The following CDKAL1 variants were observed in gnomAD, a reference collection of about 807,000 sequenced individuals.
The protein encoded by CDKAL1 is CDKAL1 threonylcarbamoyladenosine tRNA methylthiotransferase, also known as threonylcarbamoyladenosine tRNA methylthiotransferase.
A neutral mutation model predicts 68.2 loss-of-function variants in CDKAL1; 32 were observed. The observed-to-expected ratio is 0.47, with a 90% CI of 0.35 to 0.63. The LOEUF (loss-of-function observed/expected upper bound fraction) is 0.63, where lower values mean the gene tolerates loss of function less well. Ranked by LOEUF, CDKAL1 falls within the 30% of genes least tolerant of loss-of-function variation. CDKAL1 has a pLI of 0.00. For missense variants in CDKAL1, 606 were observed against 696.7 expected (o/e 0.87, Z 1.47); for synonymous variants, 234 against 244.3 (o/e 0.96, Z 0.39).
intron 12 of CDKAL1, among the ~76,000 whole-genome samples, chr6:21,103,822 G>C (rs530101904): frequency 1.3e-5 from 2 of 152,284 alleles, no homozygotes; most frequent in South Asian, 4.2e-4. Context: ...CTAACAGGTG[G>C]TTGCATGACT....
chr6:20,577,138 C>A (rs548534120), intron 4 of CDKAL1, among the ~76,000 whole-genome samples: 2 of 152,076 alleles, frequency 1.3e-5, no homozygotes, highest in Non-Finnish European at 2.9e-5. Context: ...CGCAAGCGAT[C>A]GGTTGTGAGA....
chr6:20,577,134 C>T (rs770036054), intron 4 of CDKAL1, among the ~76,000 whole-genome samples: 13 of 152,078 alleles, frequency 8.5e-5, no homozygotes, highest in Non-Finnish European at 1.5e-4. Flanking sequence ...TGACCGCAAG[C>T]GATCGGTTGT....
At chr6:21,035,944 G>A (rs1209574043) in intron 11 of CDKAL1, among the ~76,000 whole-genome samples, 3 of 152,020 alleles carry the variant, frequency 2.0e-5, no homozygotes, top group Non-Finnish European at 2.9e-5. Context: ...TGCAATTGAC[G>A]GTTAGATGGA....
intron 8 of CDKAL1, among the ~76,000 whole-genome samples, chr6:20,813,035 A>G (rs917133612): frequency 6.6e-6 from 1 of 152,290 alleles, no homozygotes; most frequent in East Asian, 1.9e-4. Context: ...ATTATACCTC[A>G]GTGCAATTTT....
chr6:20,812,950 G>A (rs1224021980), intron 8 of CDKAL1, among the ~76,000 whole-genome samples: 2 of 151,972 alleles, frequency 1.3e-5, no homozygotes, highest in Non-Finnish European at 2.9e-5. Context: ...GTTTTTGAGC[G>A]GTCCATTTGC....
intron 5 of CDKAL1, among the ~76,000 whole-genome samples, chr6:20,737,210 A>C (rs1773235736): frequency 6.6e-6 from 1 of 152,142 alleles, no homozygotes; most frequent in African/African-American, 2.4e-5. Flanking sequence ...AGATTTCCTC[A>C]TGAAGCTTTT....
At chr6:21,006,927 T>C (rs1253663279) in intron 11 of CDKAL1, among the ~76,000 whole-genome samples, 4 of 152,178 alleles carry the variant, frequency 2.6e-5, no homozygotes, top group Non-Finnish European at 4.4e-5. Flanking sequence ...TCTTGTGCAT[T>C]TTTCCTGCCT....
chr6:20,897,365 G>A (rs1761749379), intron 9 of CDKAL1, among the ~76,000 whole-genome samples: 1 of 152,116 alleles, frequency 6.6e-6, no homozygotes, highest in Admixed American at 6.6e-5. Flanking sequence ...GTAGAAAGAT[G>A]CAGGCTCAGA....
At chr6:21,001,148 G>C (rs9368266) in intron 11 of CDKAL1, among the ~76,000 whole-genome samples, 2 of 152,004 alleles carry the variant, frequency 1.3e-5, no homozygotes, top group East Asian at 3.9e-4. Context: ...TTGTCTTGGC[G>C]TATTTGTGGC....
chr6:21,135,738 C>T (rs529439740), intron 13 of CDKAL1: 6 of 979,804 alleles, frequency 6.1e-6, no homozygotes, highest in Middle Eastern at 5.3e-4. Flanking sequence ...TAAACCAAAC[C>T]ATTTCATTCG....
At chr6:20,835,356 G>A (rs148698989) in intron 8 of CDKAL1, among the ~76,000 whole-genome samples, 1 of 152,046 alleles carries the variant, frequency 6.6e-6, no homozygotes, top group East Asian at 1.9e-4. Flanking sequence ...AATAAACAAG[G>A]TACCTCCTTC....
chr6:21,014,819 A>T (rs1196450088), intron 11 of CDKAL1, among the ~76,000 whole-genome samples: 1 of 152,178 alleles, frequency 6.6e-6, no homozygotes, highest in Non-Finnish European at 1.5e-5. Context: ...TTTTAATCTC[A>T]CAAATTAAAC....
intron 9 of CDKAL1, among the ~76,000 whole-genome samples, chr6:20,924,800 G>A (rs983429959): frequency 6.6e-6 from 1 of 152,188 alleles, no homozygotes; most frequent in Non-Finnish European, 1.5e-5. Flanking sequence ...TATCCAGAAG[G>A]TCTAAGACCA....
chr6:20,862,661 G>GCA (rs1759701049), intron 9 of CDKAL1, among the ~76,000 whole-genome samples: 4 of 134,666 alleles, frequency 3.0e-5, no homozygotes, highest in Non-Finnish European at 4.6e-5. Context: ...GTGTGTGTGT[G>GCA]TGCGCGCGTG....
chr6:20,645,660 G>A (rs1380132525), intron 4 of CDKAL1, among the ~76,000 whole-genome samples: 4 of 151,934 alleles, frequency 2.6e-5, no homozygotes, highest in Non-Finnish European at 4.4e-5. Flanking sequence ...GGGCCCGGGA[G>A]GCGGAGGTTG....
intron 7 of CDKAL1, among the ~76,000 whole-genome samples, chr6:20,759,230 G>T (rs371228422): frequency 2.6e-5 from 4 of 152,062 alleles, no homozygotes; most frequent in South Asian, 2.1e-4. Flanking sequence ...CAGATTGAAA[G>T]AATTTAATCA....
intron 6 of CDKAL1, among the ~76,000 whole-genome samples, chr6:20,755,544 A>G (rs894618622): frequency 1.3e-5 from 2 of 152,096 alleles, no homozygotes; most frequent in Non-Finnish European, 2.9e-5. Flanking sequence ...CGTCTCATCT[A>G]AAATGCATAG....
At chr6:20,903,627 T>C (rs139622377) in intron 9 of CDKAL1, among the ~76,000 whole-genome samples, 44 of 152,358 alleles carry the variant, frequency 2.9e-4, no homozygotes, top group African/African-American at 1.0e-3. Context: ...ACAAAGATGC[T>C]GCTTCTAAAT....
chr6:21,006,218 T>C (rs2150830445), intron 11 of CDKAL1, among the ~76,000 whole-genome samples: 1 of 152,336 alleles, frequency 6.6e-6, no homozygotes, highest in African/African-American at 2.4e-5. Context: ...ATTAGTATTT[T>C]ATTCTGCCTT....
Sources: gnomAD v4.1 joint callset for allele counts (sites outside exome capture counted in the v4.1 genomes callset) on GRCh38, gnomAD v4.1.1 for gene constraint, MANE v1.5 for transcripts, NCBI Gene and HGNC (gene_info 2026-07-23, HGNC 2026-07-21) for gene names.